CLCNKA: variants seen among roughly 807,000 people sequenced by gnomAD.
CLCNKA encodes chloride channel protein ClC-Ka.
Under a neutral mutation model 83.3 loss-of-function variants are expected in CLCNKA, and 66 were observed. That is an observed-to-expected ratio of 0.79 (90% CI 0.65 to 0.97). CLCNKA has a LOEUF of 0.97. Ranked by LOEUF, CLCNKA falls within the 50% of genes least tolerant of loss-of-function variation. The probability of loss-of-function intolerance (pLI) is 0.00; values close to 1 mark genes in which losing one functional copy is unlikely to be tolerated. For missense variants in CLCNKA, 806 were observed against 888.7 expected, an observed-to-expected ratio of 0.91 and a Z score of 1.18; for synonymous variants, 357 against 370.4, an observed-to-expected ratio of 0.96 and a Z score of 0.42.
chr1:16,024,978 C>T (rs1222110166), intron 4 of CLCNKA, 87 bp downstream of exon 4: 1 of 1,556,362 alleles, frequency 6.4e-7, no homozygotes, highest in Non-Finnish European at 8.8e-7. Flanking sequence ...CGGGAAGCTG[C>T]AGCCTCATTT....
At chr1:16,028,539 T>A in intron 10 of CLCNKA, 1 of 684,076 alleles carries the variant, frequency 1.5e-6, no homozygotes, top group South Asian at 1.5e-5. Context: ...CCTGCGTGAT[T>A]CCTCTGCCCT....
rs1361412918 is a variant in CLCNKA at position 16,029,135 on chromosome 1, A to T, written c.1063A>T (p.Lys355Ter). 4.3e-6 allele frequency: 7 copies of T among 1,611,366 alleles called. No individual in the cohort carries two copies. Among genetic ancestry groups the T allele is most frequent in the Non-Finnish European group, 5.9e-6 (7 of 1,179,780 alleles). ...ACCTGCCCCGCCACAGCTGTCCATGAAGCAGCATCTGGACTCGCTGTTCGA... is the reference window on the plus strand; with the variant it reads ...ACCTGCCCCGCCACAGCTGTCCATGTAGCAGCATCTGGACTCGCTGTTCGA... The part of the protein sequence containing the change: ...GHFLASRLSM[K>*]QHLDSLFDNH... Residue 355 changes from lysine (K) to a stop codon, truncating the protein, a stop_gained, in exon 12 of 20, where the codon AAG (lysine) becomes TAG (stop). Transcript: ENST00000331433. LOFTEE classifies it high-confidence loss of function.
intron 1 of CLCNKA, among the ~76,000 whole-genome samples, chr1:16,022,404 C>A (rs914619788): frequency 1.3e-5 from 2 of 152,126 alleles, no homozygotes; most frequent in Admixed American, 6.5e-5. Context: ...GGAATCCCAC[C>A]CTCATCCCAC....
chr1:16,031,198 A>G (rs966089258), intron 15 of CLCNKA, among the ~76,000 whole-genome samples: 3 of 152,204 alleles, frequency 2.0e-5, no homozygotes, highest in Non-Finnish European at 2.9e-5. Context: ...CGCTCCAAAC[A>G]CAAACAAGCT....
At position 16,022,691 on chromosome 1, in the gene CLCNKA, C is replaced by G. The variant is rs1265115595; in HGVS notation, c.72C>G (p.Pro24=). The part of the protein sequence containing the change: ...DPVTLQELWG[P]CPHIRRAIQG... ...TGACTCTGCAGGAGCTGTGGGGCCC[C>G]TGTCCCCACATCCGCCGAGCCATCC... Residue 24 remains proline, a synonymous_variant, in exon 2 of 20, where the codon CCC becomes CCG. Transcript: ENST00000331433. 6.4e-7 allele frequency: 1 copy of G among 1,552,974 alleles called. No homozygotes were observed. Among genetic ancestry groups the G allele is most frequent in the Non-Finnish European group, 8.7e-7 (1 of 1,148,656 alleles).
chr1:16,022,686 G>T lies in CLCNKA; in HGVS notation c.67G>T (p.Gly23Cys), dbSNP rs755370799. The T allele has an allele frequency of 1.9e-6, 3 of 1,555,398 alleles. No homozygotes were observed. Among genetic ancestry groups the T allele is most frequent in the Non-Finnish European group, 2.6e-6 (3 of 1,150,108 alleles). The change falls in exon 2 of 20, where the codon GGC becomes TGC. Residue 23 changes from glycine to cysteine, a missense_variant. By Grantham distance (159) the Gly-to-Cys change is radical. Transcript: ENST00000331433. ...CCCTGTGACTCTGCAGGAGCTGTGG[G>T]GCCCCTGTCCCCACATCCGCCGAGC... ...GDPVTLQELW[G>C]PCPHIRRAIQ...
chr1:16,033,663 G>T lies in CLCNKA; in HGVS notation c.*5G>T, dbSNP rs2022731287. The T allele has an allele frequency of 1.9e-6, 3 of 1,605,644 alleles. No individual in the cohort carries two copies. Among genetic ancestry groups the T allele is most frequent in the Non-Finnish European group, 2.5e-6 (3 of 1,177,902 alleles). ...AATCCGCCAGCTCCAAAGTGAGCCG[G>T]CCCAGCAAGATGAAACAGGGCACCC... is the stretch of plus-strand genomic sequence containing the variant. On this transcript the variant is annotated 3_prime_UTR_variant, in exon 20 of 20. Transcript: ENST00000331433.
chr1:16,029,143 T>C lies in CLCNKA; in HGVS notation c.1071T>C (p.His357=). 6.2e-7 allele frequency: 1 copy of C among 1,611,600 alleles called. No individual in the cohort carries two copies. Among genetic ancestry groups the C allele is most frequent in the Non-Finnish European group, 8.5e-7 (1 of 1,179,762 alleles). Residue 357 remains histidine (H), a synonymous_variant, in exon 12 of 20, where the codon CAT becomes CAC. Transcript: ENST00000331433. ...FLASRLSMKQ[H]LDSLFDNHSW... is the part of the protein sequence containing the mutation. Reference sequence around the variant, plus strand: ...CGCCACAGCTGTCCATGAAGCAGCATCTGGACTCGCTGTTCGACAACCACT... The same window carrying C: ...CGCCACAGCTGTCCATGAAGCAGCACCTGGACTCGCTGTTCGACAACCACT...
intron 18 of CLCNKA, 44 bp from the exon 19 acceptor site, chr1:16,033,126 G>T (rs1342546664): frequency 6.3e-7 from 1 of 1,592,800 alleles, no homozygotes; most frequent in Admixed American, 1.7e-5. Context: ...GGGTGGGCTG[G>T]GCGCCATCTA....
intron 12 of CLCNKA, 99 bp from the exon 13 acceptor site, chr1:16,029,628 CTCTT>C (rs1285072114): frequency 8.9e-6 from 13 of 1,458,844 alleles, no homozygotes; most frequent in Non-Finnish European, 1.2e-5. Context: ...GGCTGGCACC[CTCTT>C]TCTATCTAGG....
chr1:16,024,811 A>G lies in CLCNKA; in HGVS notation c.278A>G (p.Tyr93Cys). 4 of 1,614,136 alleles carry G rather than the reference A, an allele frequency of 2.5e-6. No homozygotes were observed. The highest frequency in any genetic ancestry group is 2.5e-6 in the Non-Finnish European group (3 of 1,180,014). The change falls in exon 4 of 20, where the codon TAT (tyrosine) becomes TGT (cysteine). Residue 93 changes from tyrosine (Y) to cysteine (C), a missense_variant. Tyr to Cys is a radical substitution (Grantham distance 194). Transcript: ENST00000331433. ...REIGDSHLLR[Y>C]LSWTVYPVAL... ...ATTGGGGACAGCCACCTGCTCCGGT[A>G]TCTTTCCTGGACTGTGTACCCTGTG...
In CLCNKA at chr1:16,022,689, C is replaced by T; in HGVS notation, c.70C>T (p.Pro24Ser). 6.4e-7 allele frequency: 1 copy of T among 1,553,292 alleles called. No individual in the cohort carries two copies. The change falls in exon 2 of 20, where the codon CCC (proline) becomes TCC (serine). Residue 24 changes from proline (P) to serine (S), a missense_variant. Coordinates refer to ENST00000331433, the MANE Select transcript of CLCNKA (RefSeq NM_004070.4). ...DPVTLQELWGPCPHIRRAIQG... is the reference protein window; with the variant it reads ...DPVTLQELWGSCPHIRRAIQG... ...TGTGACTCTGCAGGAGCTGTGGGGC[C>T]CCTGTCCCCACATCCGCCGAGCCAT...
intron 4 of CLCNKA, among the ~76,000 whole-genome samples, chr1:16,025,242 G>T (rs2022302467): frequency 6.6e-6 from 1 of 152,238 alleles, no homozygotes; most frequent in African/African-American, 2.4e-5. Flanking sequence ...CTGAGGTTCT[G>T]TTCAGAGCTC....
chr1:16,029,878 C>A, intron 13 of CLCNKA, 78 bp downstream of exon 13: 1 of 1,602,962 alleles, frequency 6.2e-7, no homozygotes, highest in Non-Finnish European at 8.5e-7. Context: ...ACCCTCTTCC[C>A]GGGTGGTACT....
Position 16,030,037 on chromosome 1 carries a change from T to A in CLCNKA, c.1370T>A (p.Val457Asp). 1.2e-6 allele frequency: 2 copies of A among 1,609,720 alleles called. No homozygotes were observed. Among genetic ancestry groups the A allele is most frequent in the Non-Finnish European group, 1.7e-6 (2 of 1,176,680 alleles). ...AFPEGIVTGG[V>D]TNPIMPGGYA... ...CCTGAGGGCATTGTGACTGGAGGGG[T>A]TACCAATCCCATCATGCCCGGGGGG... Residue 457 changes from valine (V) to aspartate (D), a missense_variant, in exon 14 of 20, where the codon GTT (valine) becomes GAT (aspartate). Val to Asp is a radical substitution (Grantham distance 152). Transcript: ENST00000331433.
intron 18 of CLCNKA, 136 bp from the exon 19 acceptor site, chr1:16,033,034 T>C: frequency 1.1e-6 from 1 of 938,878 alleles, no homozygotes; most frequent in Admixed American, 1.8e-5. Flanking sequence ...CACTGGACAT[T>C]GCAGGCCTGG....
chr1:16,025,019 T>A, intron 4 of CLCNKA, 128 bp downstream of exon 4: 1 of 1,263,840 alleles, frequency 7.9e-7, no homozygotes, highest in Non-Finnish European at 1.1e-6. Flanking sequence ...GTGGCTTGCC[T>A]GAAGGCACAC....
At chr1:16,028,203 C>G in intron 10 of CLCNKA, 84 bp downstream of exon 10, 1 of 1,302,480 alleles carries the variant, frequency 7.7e-7, no homozygotes, top group Non-Finnish European at 1.1e-6. Flanking sequence ...CACCCCCATC[C>G]TCCCACTGAG....
At position 16,027,332 on chromosome 1, in the gene CLCNKA, C is replaced by T; in HGVS notation, c.678C>T (p.Val226=). Residue 226 remains valine (V), a synonymous_variant, in exon 8 of 20, where the codon GTC becomes GTT. Coordinates refer to ENST00000331433, the MANE Select transcript of CLCNKA (RefSeq NM_004070.4). ...PFSGVLFSIE[V]MSSHFSVRDY... The stretch of plus-strand genomic sequence containing the variant: ...CAGGCGTCCTGTTCAGCATCGAGGT[C>T]ATGTCTTCCCACTTCTCTGTCCGGG... 6.2e-7 allele frequency: 1 copy of T among 1,613,478 alleles called. No individual in the cohort carries two copies. Among genetic ancestry groups the T allele is most frequent in the South Asian group, 1.1e-5 (1 of 91,064 alleles).
Sources: allele counts gnomAD v4.1 joint callset (sites outside exome capture counted in the v4.1 genomes callset), GRCh38; gene constraint gnomAD v4.1.1; transcripts MANE v1.5; gene names NCBI Gene and HGNC (gene_info 2026-07-23, HGNC 2026-07-21).